Variants in CLEC4G observed in about 807,000 individuals in gnomAD.
CLEC4G encodes the protein C-type lectin domain family 4 member G.
In CLEC4G, 34 loss-of-function variants were observed where a neutral mutation model predicts 37.0. The ratio of observed to expected loss-of-function variants is 0.92; its 90% confidence interval spans 0.70 to 1.22. CLEC4G has a LOEUF of 1.22. Among genes scored for constraint, CLEC4G ranks in the 50% most tolerant of loss-of-function variants. The pLI is 0.00. For synonymous variants in CLEC4G, 167 were observed against 165.6 expected (o/e 1.01, Z -0.06); for missense variants, 390 against 392.9 (o/e 0.99, Z 0.06).
At position 7,730,271 on chromosome 19, in the gene CLEC4G, A is replaced by G; in HGVS notation, c.478+80T>C. The G allele has an allele frequency of 6.4e-6, 10 of 1,572,852 alleles. No homozygotes were observed. The South Asian group carries it at 8.0e-5, about 13-fold the overall frequency. ...GCCCCGCGGGCTCAGGGGTGGAGAC[A>G]CAGAACCAGGCCAAGGTCCAGGAGT... is the stretch of plus-strand genomic sequence containing the variant. On this transcript the variant is annotated intron_variant, in intron 6 of 8. Transcript: ENST00000328853. The surrounding 1 kb of genome is among the most constrained non-coding windows in gnomAD (Gnocchi z 7.3).
rs752922735 is a variant in CLEC4G at position 7,730,340 on chromosome 19, G to A, written c.478+11C>T. ...CCTCACAGCCCGCCCCCGACCCCCC[G>A]TCTCGCTCACTGTTCTGGAGCCTCA... On this transcript the variant is annotated intron_variant, in intron 6 of 8. Transcript: ENST00000328853. This position sits in a 1 kb window ranked among gnomAD's most constrained non-coding sequence, Gnocchi z 7.3. The A allele has an allele frequency of 1.5e-4, 246 of 1,595,348 alleles. 1 individual carries two copies. The Middle Eastern group carries it at 2.5e-3, about 16-fold the overall frequency.
rs370327157 is a variant in CLEC4G at position 7,730,002 on chromosome 19, C to G, written c.627+17G>C. Reference sequence around the variant, plus strand: ...GCCCTGCCCCACCGCCTGACCACGCCCCCTCCCCCTGCGCACCTGCTCATC... The same window carrying G: ...GCCCTGCCCCACCGCCTGACCACGCGCCCTCCCCCTGCGCACCTGCTCATC... On this transcript the variant is annotated intron_variant, in intron 7 of 8. Transcript: ENST00000328853. The surrounding 1 kb of genome is among the most constrained non-coding windows in gnomAD (Gnocchi z 7.3). 5 of 1,597,014 alleles carry G rather than the reference C, an allele frequency of 3.1e-6. No homozygotes were observed. In the African/African-American group the frequency reaches 5.4e-5, roughly 17 times the overall value.
Position 7,730,921 on chromosome 19 carries a change from G to GCT in CLEC4G, c.284-63_284-62insAG, listed in dbSNP as rs1568500539. 28 of 1,497,928 alleles carry GCT rather than the reference G, an allele frequency of 1.9e-5. No homozygotes were observed. The highest frequency in any genetic ancestry group is 1.9e-4 in the African/African-American group (13 of 69,628). The allele number at this position is 1,497,928 out of a possible 1,614,324, so 92.8% of individuals were successfully genotyped here. The stretch of plus-strand genomic sequence containing the variant: ...GGATGGGGCGGGACTTCGGAGACCA[G>GCT]CCCCCGCCCCGCACCACCCGCCGCA... On this transcript the variant is annotated intron_variant, in intron 4 of 8. Transcript: ENST00000328853. This position sits in a 1 kb window ranked among gnomAD's most constrained non-coding sequence, Gnocchi z 7.3.
rs962514316 is a variant in CLEC4G, at chr19:7,729,811, T to C, written c.743+10A>G. On this transcript the variant is annotated intron_variant, in intron 8 of 8. Coordinates refer to ENST00000328853, the MANE Select transcript of CLEC4G (RefSeq NM_198492.4). ...CCCTCCCCAGGTCTCACCAGGAGCC[T>C]TTCCCTCACCTGAAGCTGAGAGAGA... 2 of 1,613,854 alleles carry C rather than the reference T, an allele frequency of 1.2e-6. No homozygotes were observed. Among genetic ancestry groups the C allele is most frequent in the Non-Finnish European group, 1.7e-6 (2 of 1,179,954 alleles).
At chr19:7,731,803 C>T (rs2033438279) in intron 1 of CLEC4G, 32 bp from the exon 2 acceptor site, 1 of 1,600,406 alleles carries the variant, frequency 6.2e-7, no homozygotes, top group African/African-American at 1.3e-5. Context: ...GCTGGGTCCC[C>T]CAGAACTGAG....
Position 7,730,130 on chromosome 19 carries a change from G to T in CLEC4G, c.516C>A (p.Phe172Leu). ...CEPCPTSWLS[F>L]EGSCYFFSVP... ...CAGAGAAAAAGTAGCAGGAGCCCTC[G>T]AAGGACAGCCACGACGTGGGGCACG... Residue 172 changes from phenylalanine to leucine, a missense_variant, in exon 7 of 9, where the codon TTC becomes TTA. Phe to Leu is a conservative substitution (Grantham distance 22). Transcript: ENST00000328853. The surrounding 1 kb of genome is among the most constrained non-coding windows in gnomAD (Gnocchi z 7.3). 6.2e-7 allele frequency: 1 copy of T among 1,612,824 alleles called. No homozygotes were observed. Among genetic ancestry groups the T allele is most frequent in the East Asian group, 2.2e-5 (1 of 44,844 alleles).
At chr19:7,731,563 C>T in intron 2 of CLEC4G, 98 bp downstream of exon 2, 6 of 1,512,100 alleles carry the variant, frequency 4.0e-6, no homozygotes, top group South Asian at 1.3e-5. Flanking sequence ...CACTCAGACG[C>T]GAACAGGACC....
At chr19:7,729,599 C>A in intron 8 of CLEC4G, 95 bp from the exon 9 acceptor site, 1 of 1,200,254 alleles carries the variant, frequency 8.3e-7, no homozygotes, top group Non-Finnish European at 1.2e-6. Context: ...CTGTTTATTG[C>A]TTGGGTCTAC....
rs1380429357 is a variant in CLEC4G, at chr19:7,729,652, A to G, written c.744-148T>C. 5 of 1,284,590 alleles carry G rather than the reference A, an allele frequency of 3.9e-6. No individual in the cohort carries two copies. The South Asian group carries it at 5.9e-5, about 15-fold the overall frequency. 79.6% of individuals were successfully genotyped at this position (1,284,590 alleles called of 1,614,324 possible). A position where few individuals can be genotyped will look rare whatever the true frequency, so the allele number is the denominator to read the frequency against. On this transcript the variant is annotated intron_variant, in intron 8 of 8. Coordinates refer to ENST00000328853, the MANE Select transcript of CLEC4G (RefSeq NM_198492.4). ...TCTAACCTGAGTATACACCTGGTAT[A>G]TAACTTTTTAACGCCCAGAATTTAA...
rs760711933 is a variant in CLEC4G at position 7,730,079 on chromosome 19, C to A, written c.567G>T (p.Ala189=). The part of the protein sequence containing the change: ...FSVPKTTWAA[A]QDHCADASAH... ...CGCTGGCATCTGCGCAGTGATCCTG[C>A]GCCGCCGCCCACGTCGTCTTTGGCA... The change falls in exon 7 of 9, where the codon GCG becomes GCT. Residue 189 remains alanine, a synonymous_variant. Transcript: ENST00000328853. This position sits in a 1 kb window ranked among gnomAD's most constrained non-coding sequence, Gnocchi z 7.3. 6.2e-7 allele frequency: 1 copy of A among 1,607,056 alleles called. No homozygotes were observed. Among genetic ancestry groups the A allele is most frequent in the Non-Finnish European group, 8.5e-7 (1 of 1,177,924 alleles).
Position 7,729,450 on chromosome 19 carries a change from C to T in CLEC4G, c.798G>A (p.Met266Ile), listed in dbSNP as rs2033392825. The change falls in exon 9 of 9, where the codon ATG (methionine) becomes ATA (isoleucine). Residue 266 changes from methionine to isoleucine, a missense_variant. Transcript: ENST00000328853. ...CGTTCCACAGCCCCGTGTGCAGCATCATGACACAGTTCTCGCGCCCCCAAG... is the reference window on the plus strand; with the variant it reads ...CGTTCCACAGCCCCGTGTGCAGCATTATGACACAGTTCTCGCGCCCCCAAG... The part of the protein sequence containing the change: ...NDAWGRENCV[M>I]MLHTGLWNDA... 1 of 1,603,604 alleles carries T rather than the reference C, an allele frequency of 6.2e-7. No homozygotes were observed. The highest frequency in any genetic ancestry group is 1.7e-5 in the Admixed American group (1 of 59,980).
intron 3 of CLEC4G, 54 bp downstream of exon 3, chr19:7,731,212 A>T: frequency 6.4e-7 from 1 of 1,572,338 alleles, no homozygotes; most frequent in Non-Finnish European, 8.6e-7. Context: ...CCGGGGTCTC[A>T]GAAACTCCCG....
chr19:7,730,734 G>A lies in CLEC4G; in HGVS notation c.388+21C>T, dbSNP rs1408456209. 6.5e-7 allele frequency: 1 copy of A among 1,527,164 alleles called. No individual in the cohort carries two copies. 94.6% of individuals were successfully genotyped at this position (1,527,164 alleles called of 1,614,324 possible). On this transcript the variant is annotated intron_variant, in intron 5 of 8. Coordinates refer to ENST00000328853, the MANE Select transcript of CLEC4G (RefSeq NM_198492.4). The surrounding 1 kb of genome is among the most constrained non-coding windows in gnomAD (Gnocchi z 7.3). Reference sequence around the variant, plus strand: ...GGGGACGCGGCCAGGGCTCAGGGCCGGGGTCGCGTCGGGCCCTCACCGCGC... The same window carrying A: ...GGGGACGCGGCCAGGGCTCAGGGCCAGGGTCGCGTCGGGCCCTCACCGCGC...
chr19:7,731,308 G>A lies in CLEC4G; in HGVS notation c.178C>T (p.Arg60Cys), dbSNP rs764893486. ...SILLSKASTERAALLDGHDLL... is the reference protein window; with the variant it reads ...SILLSKASTECAALLDGHDLL... ...TCGTGGCCGTCAAGCAGCGCCGCGC[G>A]CTCCGTGGAGGCTGAGGAGAGAGGC... Residue 60 changes from arginine (R) to cysteine (C), a missense_variant, in exon 3 of 9, where the codon CGC becomes TGC. Transcript: ENST00000328853. 1.0e-5 allele frequency: 16 copies of A among 1,577,738 alleles called. No individual in the cohort carries two copies. The highest frequency in any genetic ancestry group is 4.6e-5 in the East Asian group (2 of 43,604).
chr19:7,730,246 G>A lies in CLEC4G; in HGVS notation c.479-79C>T. 1 of 1,576,680 alleles carries A rather than the reference G, an allele frequency of 6.3e-7. No homozygotes were observed. Among genetic ancestry groups the A allele is most frequent in the Non-Finnish European group, 8.6e-7 (1 of 1,163,578 alleles). On this transcript the variant is annotated intron_variant, in intron 6 of 8. Coordinates refer to ENST00000328853, the MANE Select transcript of CLEC4G (RefSeq NM_198492.4). The surrounding 1 kb of genome is among the most constrained non-coding windows in gnomAD (Gnocchi z 7.3). ...AGAGGATGCAGTGGGTAGGGGTTCG[G>A]CCCCGCGGGCTCAGGGGTGGAGACA...
At chr19:7,729,562 G>A (rs2033395276) in intron 8 of CLEC4G, 58 bp from the exon 9 acceptor site, 2 of 1,380,400 alleles carry the variant, frequency 1.4e-6, no homozygotes, top group Middle Eastern at 1.9e-4. Context: ...TGAACTCGGG[G>A]TCCCGCCTTC....
Position 7,731,246 on chromosome 19 carries a change from G to A in CLEC4G, c.220+20C>T. 7.6e-6 allele frequency: 12 copies of A among 1,583,118 alleles called. No individual in the cohort carries two copies. Among genetic ancestry groups the A allele is most frequent in the Non-Finnish European group, 1.0e-5 (12 of 1,166,702 alleles). ...CGCCCCTCACGCCCCGGGGGCCCAG[G>A]CGCCCGGCTCTGCACACACCGTTTG... is the stretch of plus-strand genomic sequence containing the variant. On this transcript the variant is annotated intron_variant, in intron 3 of 8. Transcript: ENST00000328853.
chr19:7,730,253 G>A lies in CLEC4G; in HGVS notation c.479-86C>T. ...GCAGTGGGTAGGGGTTCGGCCCCGC[G>A]GGCTCAGGGGTGGAGACACAGAACC... On this transcript the variant is annotated intron_variant, in intron 6 of 8. Transcript: ENST00000328853. The surrounding 1 kb of genome is among the most constrained non-coding windows in gnomAD (Gnocchi z 7.3). The A allele has an allele frequency of 1.9e-6, 3 of 1,572,670 alleles. No individual in the cohort carries two copies. Among genetic ancestry groups the A allele is most frequent in the Non-Finnish European group, 2.6e-6 (3 of 1,161,916 alleles).
rs765715522 is a variant in CLEC4G at position 7,730,452 on chromosome 19, A to C, written c.389-12T>G. Reference sequence around the variant, plus strand: ...CAAGCCCTGGGTCACTGCGGGGTCAAGGGAGCGGGGATTATGGCTGGGGTC... The same window carrying C: ...CAAGCCCTGGGTCACTGCGGGGTCACGGGAGCGGGGATTATGGCTGGGGTC... On this transcript the variant is annotated splice_polypyrimidine_tract_variant and intron_variant, in intron 5 of 8. Coordinates refer to ENST00000328853, the MANE Select transcript of CLEC4G (RefSeq NM_198492.4). The surrounding 1 kb of genome is among the most constrained non-coding windows in gnomAD (Gnocchi z 7.3). 1.3e-6 allele frequency: 2 copies of C among 1,599,840 alleles called. No individual in the cohort carries two copies. Among genetic ancestry groups the C allele is most frequent in the South Asian group, 1.1e-5 (1 of 90,982 alleles).
Sources: gnomAD v4.1 joint callset for allele counts on GRCh38, gnomAD v4.1.1 for gene constraint, Gnocchi (gnomAD v3.1) non-coding constraint, MANE v1.5 for transcripts, NCBI Gene and HGNC (gene_info 2026-07-23, HGNC 2026-07-21) for gene names.